Variants in SPECC1 observed in about 807,000 individuals in gnomAD.
SPECC1 encodes the protein sperm antigen with calponin homology and coiled-coil domains 1.
Under a neutral mutation model 104.1 loss-of-function variants are expected in SPECC1, and 62 were observed. The observed-to-expected ratio is 0.60, with a 90% CI of 0.49 to 0.74. The LOEUF is 0.74. SPECC1 is among the 30% of genes least tolerant of loss of function. SPECC1 has a pLI of 0.00. For missense variants in SPECC1, 1,306 were observed against 1,310.5 expected, an observed-to-expected ratio of 1.00 and a Z score of 0.05; for synonymous variants, 513 against 501.6, an observed-to-expected ratio of 1.02 and a Z score of -0.30.
At chr17:20,099,889 G>C (rs374762060) in intron 2 of SPECC1, among the ~76,000 whole-genome samples, 1 of 151,928 alleles carries the variant, frequency 6.6e-6, no homozygotes, top group African/African-American at 2.4e-5. Context: ...TATCCTTGGG[G>C]GATTGGTTCC....
intron 7 of SPECC1, among the ~76,000 whole-genome samples, chr17:20,244,717 T>C (rs2039346579): frequency 6.8e-6 from 1 of 146,832 alleles, no homozygotes; most frequent in South Asian, 2.1e-4. Context: ...TACTGATTTA[T>C]TTTAAACTTC....
At chr17:20,265,159 T>C (rs2040177373) in intron 12 of SPECC1, among the ~76,000 whole-genome samples, 1 of 152,258 alleles carries the variant, frequency 6.6e-6, no homozygotes, top group Admixed American at 6.5e-5. Context: ...TCAAATGTTC[T>C]ATTTTTAGTA....
chr17:20,199,080 CTTTTTTTTT>C (rs562975649), intron 3 of SPECC1, among the ~76,000 whole-genome samples: 6 of 76,572 alleles, frequency 7.8e-5, no homozygotes, highest in Non-Finnish European at 1.3e-4. Context: ...CTTATGGTAG[CTTTTTTTTT>C]TTTTTTTTTT....
intron 9 of SPECC1, among the ~76,000 whole-genome samples, chr17:20,252,186 A>T (rs2039658337): frequency 6.6e-6 from 1 of 152,218 alleles, no homozygotes; most frequent in African/African-American, 2.4e-5. Flanking sequence ...ATACACCATG[A>T]AATCTACTCT....
At chr17:20,047,497 A>G (rs983974271) in intron 1 of SPECC1, among the ~76,000 whole-genome samples, 3 of 152,162 alleles carry the variant, frequency 2.0e-5, no homozygotes, top group Non-Finnish European at 4.4e-5. Context: ...CAATTTCAGG[A>G]AAGTTTTCCG....
intron 1 of SPECC1, among the ~76,000 whole-genome samples, chr17:20,025,512 G>T (rs561063102): frequency 1.1e-4 from 17 of 152,098 alleles, no homozygotes; most frequent in Non-Finnish European, 2.2e-4. Context: ...TAAGGTTTCC[G>T]AGATTCATCC....
At chr17:20,062,013 A>G (rs570436434) in intron 1 of SPECC1, among the ~76,000 whole-genome samples, 2 of 152,052 alleles carry the variant, frequency 1.3e-5, no homozygotes, top group Admixed American at 6.6e-5. Context: ...TAATCCCAGC[A>G]GTTTGGGAGG....
chr17:20,285,719 A>G (rs2040920385), intron 12 of SPECC1, among the ~76,000 whole-genome samples: 1 of 151,746 alleles, frequency 6.6e-6, no homozygotes, highest in Non-Finnish European at 1.5e-5. Context: ...CCTTAAGACA[A>G]TCAGGGTCCT....
chr17:20,039,504 T>C (rs1035485771), intron 1 of SPECC1, among the ~76,000 whole-genome samples: 1 of 152,204 alleles, frequency 6.6e-6, no homozygotes, highest in African/African-American at 2.4e-5. Flanking sequence ...GTTTTCATGA[T>C]ATATTTTATT....
intron 4 of SPECC1, among the ~76,000 whole-genome samples, chr17:20,210,376 C>CTGGCAGTGCTGTGGT (rs1383440642): frequency 2.6e-5 from 4 of 152,196 alleles, no homozygotes; most frequent in Non-Finnish European, 4.4e-5. Context: ...CAGGCTGTGG[C>CTGGCAGTGCTGTGGT]TGGCAGTGCT....
At chr17:20,034,642 G>A (rs1224708529) in intron 1 of SPECC1, among the ~76,000 whole-genome samples, 1 of 110,958 alleles carries the variant, frequency 9.0e-6, no homozygotes, top group African/African-American at 3.6e-5. Flanking sequence ...TTTTGCTCTT[G>A]TTGCCCAGGC....
At chr17:20,105,945 G>C (rs1479240881) in intron 2 of SPECC1, among the ~76,000 whole-genome samples, 1 of 152,146 alleles carries the variant, frequency 6.6e-6, no homozygotes, top group African/African-American at 2.4e-5. Context: ...TCATTTGTTG[G>C]ATTTCCTGGT....
intron 12 of SPECC1, among the ~76,000 whole-genome samples, chr17:20,273,619 T>C (rs1448423542): frequency 1.3e-5 from 2 of 152,200 alleles, no homozygotes; most frequent in African/African-American, 4.8e-5. Context: ...TTTGGAGCTT[T>C]GGCTGCTCTA....
At position 20,314,147 on chromosome 17, in the gene SPECC1, C is replaced by A; in HGVS notation, c.*82C>A. 1 of 1,178,206 alleles carries A rather than the reference C, an allele frequency of 8.5e-7. No individual in the cohort carries two copies. Among genetic ancestry groups the A allele is most frequent in the African/African-American group, 1.5e-5 (1 of 66,628 alleles). The allele number at this position is 1,178,206 out of a possible 1,614,324, so 73.0% of individuals were successfully genotyped here. On this transcript the variant is annotated 3_prime_UTR_variant, in exon 15 of 15. Coordinates refer to ENST00000395527, the MANE Select transcript of SPECC1 (RefSeq NM_001243439.2). ...GCCTGATTACTGTCCACTGACCCTGCTCTGCCCACCACCCAGCTGCCTAGA... is the reference window on the plus strand; with the variant it reads ...GCCTGATTACTGTCCACTGACCCTGATCTGCCCACCACCCAGCTGCCTAGA...
intron 1 of SPECC1, among the ~76,000 whole-genome samples, chr17:20,078,059 T>C (rs1036748870): frequency 6.6e-6 from 1 of 151,858 alleles, no homozygotes; most frequent in Non-Finnish European, 1.5e-5. Context: ...TGACTCTATA[T>C]ACATGAGTAT....
At chr17:20,023,234 G>T (rs552849429) in intron 1 of SPECC1, among the ~76,000 whole-genome samples, 2 of 152,278 alleles carry the variant, frequency 1.3e-5, no homozygotes, top group African/African-American at 4.8e-5. Flanking sequence ...TCTTCATTTG[G>T]TCTGGATTTG....
intron 12 of SPECC1, among the ~76,000 whole-genome samples, chr17:20,272,217 C>T (rs1469859627): frequency 1.3e-5 from 2 of 152,124 alleles, no homozygotes; most frequent in Non-Finnish European, 2.9e-5. Flanking sequence ...TCCCCCTGGC[C>T]TGGCCCTCTA....
intron 13 of SPECC1, among the ~76,000 whole-genome samples, chr17:20,302,275 T>C (rs192210759): frequency 2.6e-5 from 4 of 152,326 alleles, no homozygotes; most frequent in Admixed American, 6.5e-5. Context: ...TAGGCTGTCC[T>C]GGAACTGGAA....
chr17:20,237,471 C>T (rs2038986540), intron 7 of SPECC1: 1 of 225,752 alleles, frequency 4.4e-6, no homozygotes, highest in Non-Finnish European at 8.3e-6. Flanking sequence ...CCTGCCACCA[C>T]ACCCAGCTAA....
Sources: gnomAD v4.1 joint callset for allele counts (sites outside exome capture counted in the v4.1 genomes callset) on GRCh38, gnomAD v4.1.1 for gene constraint, MANE v1.5 for transcripts, NCBI Gene and HGNC (gene_info 2026-07-23, HGNC 2026-07-21) for gene names.